The following SAMD5 variants were observed in gnomAD, a reference collection of about 807,000 sequenced individuals.
SAMD5 encodes the protein sterile alpha motif domain-containing protein 5.
Under a neutral mutation model 11.3 loss-of-function variants are expected in SAMD5, and 13 were observed. The observed-to-expected ratio is 1.15, with a 90% CI of 0.75 to 1.83. The LOEUF is 1.83. Among genes scored for constraint, SAMD5 ranks in the 40% most tolerant of loss-of-function variants. SAMD5 has a pLI of 0.00. For missense variants in SAMD5, 255 were observed against 239.1 expected (o/e 1.07, Z -0.44); for synonymous variants, 129 against 111.3 (o/e 1.16, Z -1.00).
At chr6:147,575,590 A>G (rs1454177199) in intron 1 of SAMD5, among the ~76,000 whole-genome samples, 1 of 152,264 alleles carries the variant, frequency 6.6e-6, no homozygotes, top group African/African-American at 2.4e-5. Context: ...ATTCAAATCA[A>G]TGAAATTACA....
the SAMD5 span, among the ~76,000 whole-genome samples, chr6:147,875,912 A>G: frequency 6.6e-6 from 1 of 152,140 alleles, no homozygotes; most frequent in Admixed American, 6.5e-5. Flanking sequence ...ATGTATTGCA[A>G]TGTAATAATA....
At chr6:147,646,789 T>C (rs1790408694) in intron 1 of SAMD5, among the ~76,000 whole-genome samples, 1 of 152,024 alleles carries the variant, frequency 6.6e-6, no homozygotes, top group South Asian at 2.1e-4. Context: ...TTTTGTGTTA[T>C]ATGTATTACA....
chr6:147,668,722 T>C (rs1364275032), intron 1 of SAMD5, among the ~76,000 whole-genome samples: 1 of 152,134 alleles, frequency 6.6e-6, no homozygotes, highest in Admixed American at 6.5e-5. Context: ...TGCAGGCTTG[T>C]AATCCCAGCT....
chr6:147,568,668 G>A lies in SAMD5; in HGVS notation c.*4212G>A, dbSNP rs1403312239. 2 of 985,320 alleles carry A rather than the reference G, an allele frequency of 2.0e-6. No homozygotes were observed. Among genetic ancestry groups the A allele is most frequent in the Non-Finnish European group, 2.4e-6 (2 of 829,868 alleles). The allele number at this position is 985,320 out of a possible 1,614,324, so 61.0% of individuals were successfully genotyped here. On this transcript the variant is annotated 3_prime_UTR_variant, in exon 2 of 2. Coordinates refer to ENST00000367474, the MANE Select transcript of SAMD5 (RefSeq NM_001030060.3). ...GACTTTATTAAATCAAATGAGTTGT[G>A]CAGAGCAGAGCAAATCTATTAGGCT...
At chr6:147,549,606 T>C (rs980398554) in intron 1 of SAMD5, among the ~76,000 whole-genome samples, 4 of 151,944 alleles carry the variant, frequency 2.6e-5, no homozygotes, top group African/African-American at 4.8e-5. Flanking sequence ...ATCGCGTCGG[T>C]TTTGGGCTTT....
the SAMD5 span, among the ~76,000 whole-genome samples, chr6:147,793,779 C>G: frequency 2.6e-5 from 4 of 152,078 alleles, no homozygotes; most frequent in Admixed American, 2.6e-4. Context: ...TCTGTTCTAT[C>G]ATTTACTTTT....
At chr6:147,657,267 A>T (rs1248003291) in intron 1 of SAMD5, among the ~76,000 whole-genome samples, 1 of 152,162 alleles carries the variant, frequency 6.6e-6, no homozygotes, top group African/African-American at 2.4e-5. Flanking sequence ...CAACTGATAA[A>T]ACTTGGAATA....
At chr6:147,681,009 AG>A (rs1368067500) in intron 1 of SAMD5, among the ~76,000 whole-genome samples, 1 of 152,170 alleles carries the variant, frequency 6.6e-6, no homozygotes, top group African/African-American at 2.4e-5. Context: ...GCTGCCTCAT[AG>A]AATGAATTTG....
intron 1 of SAMD5, among the ~76,000 whole-genome samples, chr6:147,668,794 A>G (rs971017734): frequency 6.6e-6 from 1 of 152,156 alleles, no homozygotes; most frequent in Non-Finnish European, 1.5e-5. Flanking sequence ...CAGTGAGCCA[A>G]CATCGCCTGG....
the SAMD5 span, among the ~76,000 whole-genome samples, chr6:147,881,532 G>T: frequency 6.6e-6 from 1 of 152,208 alleles, no homozygotes; most frequent in East Asian, 1.9e-4. Flanking sequence ...GCCTCCATAC[G>T]GTAGAGGTGT....
chr6:147,874,449 T>TA, the SAMD5 span, among the ~76,000 whole-genome samples: 1 of 152,000 alleles, frequency 6.6e-6, no homozygotes, highest in African/African-American at 2.4e-5. Context: ...ATTGAAGCTT[T>TA]TGTATGAGGA....
chr6:147,781,964 G>T, the SAMD5 span, among the ~76,000 whole-genome samples: 2 of 151,944 alleles, frequency 1.3e-5, no homozygotes, highest in African/African-American at 4.8e-5. Flanking sequence ...ATCATGATGG[G>T]TAAAGGGACA....
At chr6:147,771,955 T>C in the SAMD5 span, among the ~76,000 whole-genome samples, 1 of 152,192 alleles carries the variant, frequency 6.6e-6, no homozygotes, top group African/African-American at 2.4e-5. Flanking sequence ...AATAAACATT[T>C]ACTGAAAGAA....
Position 147,564,450 on chromosome 6 carries a change from C to T in SAMD5, c.516C>T (p.Ser172=). ...YLMNWPKSSQ[S]R ...TGAATTGGCCGAAGTCATCACAGAG[C>T]CGCTAGATATCATTTTTGAGACCTC... The change falls in exon 2 of 2, where the codon AGC becomes AGT. Residue 172 remains serine, a synonymous_variant. Coordinates refer to ENST00000367474, the MANE Select transcript of SAMD5 (RefSeq NM_001030060.3). 2.6e-6 allele frequency: 2 copies of T among 782,294 alleles called. No individual in the cohort carries two copies. Among genetic ancestry groups the T allele is most frequent in the Non-Finnish European group, 4.8e-6 (2 of 419,426 alleles). 48.5% of individuals were successfully genotyped at this position (782,294 alleles called of 1,614,324 possible). A position where few individuals can be genotyped will look rare whatever the true frequency, so the allele number is the denominator to read the frequency against.
intron 1 of SAMD5, among the ~76,000 whole-genome samples, chr6:147,647,502 G>A (rs1056863661): frequency 5.3e-5 from 8 of 152,178 alleles, no homozygotes; most frequent in Admixed American, 2.6e-4. Flanking sequence ...GGACATTCAA[G>A]TGGAAATTTC....
At chr6:147,845,337 A>G in the SAMD5 span, among the ~76,000 whole-genome samples, 1 of 152,164 alleles carries the variant, frequency 6.6e-6, no homozygotes, top group African/African-American at 2.4e-5. Context: ...ACCTAGGCCT[A>G]GGTGAAGAGT....
chr6:147,776,472 C>A, the SAMD5 span, among the ~76,000 whole-genome samples: 4 of 152,040 alleles, frequency 2.6e-5, no homozygotes, highest in African/African-American at 9.7e-5. Flanking sequence ...TCTGCAAGCC[C>A]TGAGAATACT....
chr6:147,724,368 A>C (rs1791596887), intron 1 of SAMD5, among the ~76,000 whole-genome samples: 1 of 152,128 alleles, frequency 6.6e-6, no homozygotes, highest in South Asian at 2.1e-4. Context: ...AGCAAATTTT[A>C]AGCTTTATCC....
chr6:147,549,674 A>G (rs1300484702), intron 1 of SAMD5, among the ~76,000 whole-genome samples: 2 of 151,936 alleles, frequency 1.3e-5, no homozygotes, highest in Non-Finnish European at 2.9e-5. Flanking sequence ...TCCCAAATAA[A>G]CTATCTACAT....
Sources: allele counts gnomAD v4.1 joint callset (sites outside exome capture counted in the v4.1 genomes callset), GRCh38; gene constraint gnomAD v4.1.1; transcripts MANE v1.5; gene names NCBI Gene and HGNC (gene_info 2026-07-23, HGNC 2026-07-21).